GOLGA5: variants seen among roughly 807,000 people sequenced by gnomAD.
GOLGA5 encodes golgin subfamily A member 5.
In GOLGA5, 50 loss-of-function variants were observed where a neutral mutation model predicts 93.5. That is an observed-to-expected ratio of 0.53 (90% CI 0.43 to 0.68). The LOEUF (loss-of-function observed/expected upper bound fraction) is 0.68, where lower values mean the gene tolerates loss of function less well. Among genes scored for constraint, GOLGA5 ranks in the 30% least tolerant of loss-of-function variants. The probability of loss-of-function intolerance (pLI) is 0.00; values close to 1 mark genes in which losing one functional copy is unlikely to be tolerated. For synonymous variants in GOLGA5, 312 were observed against 304.5 expected (o/e 1.02, Z -0.26); for missense variants, 760 against 856.4 (o/e 0.89, Z 1.40).
chr14:92,813,590 G>A (rs576400147), intron 6 of GOLGA5, among the ~76,000 whole-genome samples: 2 of 152,156 alleles, frequency 1.3e-5, no homozygotes, highest in Non-Finnish European at 1.5e-5. Context: ...GGAACATAAC[G>A]TCTTCAGAGA....
At chr14:92,803,624 T>C (rs1326991609) in intron 2 of GOLGA5, among the ~76,000 whole-genome samples, 1 of 152,200 alleles carries the variant, frequency 6.6e-6, no homozygotes, top group Admixed American at 6.5e-5. Flanking sequence ...CCCCAAGAAT[T>C]TGTCAATGTC....
intron 6 of GOLGA5, among the ~76,000 whole-genome samples, chr14:92,814,992 G>A (rs1439081471): frequency 1.3e-5 from 2 of 151,882 alleles, no homozygotes; most frequent in Non-Finnish European, 2.9e-5. Flanking sequence ...ACAGGCCCAC[G>A]GACCATCATT....
intron 10 of GOLGA5, among the ~76,000 whole-genome samples, chr14:92,834,845 G>T (rs576045646): frequency 6.6e-6 from 1 of 152,234 alleles, no homozygotes; most frequent in Non-Finnish European, 1.5e-5. Context: ...GGCAAGAGGA[G>T]GCCGGAGGTG....
At chr14:92,838,452 C>T (rs1885691158) in intron 12 of GOLGA5, among the ~76,000 whole-genome samples, 1 of 151,982 alleles carries the variant, frequency 6.6e-6, no homozygotes, top group Non-Finnish European at 1.5e-5. Flanking sequence ...ACTGCATTCT[C>T]CACCTCCCAG....
intron 6 of GOLGA5, among the ~76,000 whole-genome samples, chr14:92,812,570 T>C (rs553643525): frequency 1.3e-5 from 2 of 152,188 alleles, no homozygotes; most frequent in South Asian, 2.1e-4. Context: ...TTAACTCTTA[T>C]CTCCTTCTTT....
chr14:92,826,206 A>G (rs150857081), intron 9 of GOLGA5, among the ~76,000 whole-genome samples: 1 of 152,118 alleles, frequency 6.6e-6, no homozygotes, highest in African/African-American at 2.4e-5. Context: ...TTTTTCATCA[A>G]ATTAGAAGAG....
In GOLGA5 at chr14:92,816,264, T is replaced by G; in HGVS notation, c.1334T>G (p.Leu445Trp). The G allele has an allele frequency of 6.2e-7, 1 of 1,611,398 alleles. No individual in the cohort carries two copies. The highest frequency in any genetic ancestry group is 1.3e-5 in the African/African-American group (1 of 74,846). Residue 445 changes from leucine (L) to tryptophan (W), a missense_variant, in exon 7 of 13, where the codon TTG becomes TGG. Physicochemically the swap from Leu to Trp is moderately conservative, Grantham distance 61 (BLOSUM62 -2). Coordinates refer to ENST00000163416, the MANE Select transcript of GOLGA5 (RefSeq NM_005113.4). ...CTTTTATAATAGTCTAAGGAAAAAT[T>G]GATTAACAGCTTGAAAGAAGGCTCT... ...ATRILQSKEK[L>W]INSLKEGSGF...
intron 12 of GOLGA5, 49 bp downstream of exon 12, chr14:92,837,498 G>T (rs772546332): frequency 6.2e-6 from 4 of 643,564 alleles, no homozygotes; most frequent in South Asian, 1.6e-5. Context: ...TTTTTAACTA[G>T]TTTTTTTTTT....
chr14:92,837,466 G>T lies in GOLGA5; in HGVS notation c.2115+17G>T. On this transcript the variant is annotated intron_variant, in intron 12 of 12. Transcript: ENST00000163416. Reference sequence around the variant, plus strand: ...ATATATATGGTAAGTAAATTTATTTGAAAAAACAATGATGCACTTGATTTT... The same window carrying T: ...ATATATATGGTAAGTAAATTTATTTTAAAAAACAATGATGCACTTGATTTT... The T allele has an allele frequency of 9.0e-7, 1 of 1,105,648 alleles. No individual in the cohort carries two copies. Among genetic ancestry groups the T allele is most frequent in the South Asian group, 1.3e-5 (1 of 76,818 alleles). The allele number at this position is 1,105,648 out of a possible 1,614,324, so 68.5% of individuals were successfully genotyped here.
At chr14:92,825,718 G>A (rs1230768911) in intron 9 of GOLGA5, among the ~76,000 whole-genome samples, 1 of 151,458 alleles carries the variant, frequency 6.6e-6, no homozygotes, top group African/African-American at 2.4e-5. Flanking sequence ...AAAATTAGGC[G>A]TGGTGGCACA....
At chr14:92,813,572 A>G (rs1158918797) in intron 6 of GOLGA5, among the ~76,000 whole-genome samples, 2 of 152,212 alleles carry the variant, frequency 1.3e-5, no homozygotes, top group African/African-American at 2.4e-5. Context: ...AGCTAGTTCC[A>G]TACTGCTGGA....
chr14:92,839,308 G>A (rs1595608199), intron 12 of GOLGA5, 58 bp from the exon 13 acceptor site: 1 of 1,053,252 alleles, frequency 9.5e-7, no homozygotes, highest in East Asian at 2.4e-5. Context: ...GTGTACAGTG[G>A]GCCTTTGGTA....
intron 8 of GOLGA5, among the ~76,000 whole-genome samples, chr14:92,823,165 T>G (rs12879049): frequency 0.059 from 8,962 of 152,244 alleles, 345 homozygotes; most frequent in Admixed American, 0.085. Flanking sequence ...AGATCCAACC[T>G]AATTTTCTTC....
At chr14:92,807,613 A>G (rs2402196) in intron 3 of GOLGA5, among the ~76,000 whole-genome samples, 112,753 of 152,178 alleles carry the variant, frequency 0.74, 42,248 homozygotes, top group East Asian at 0.85. Flanking sequence ...AGTAGTAGGC[A>G]CTAATAGAGT....
chr14:92,812,440 A>G (rs551498025), intron 6 of GOLGA5, among the ~76,000 whole-genome samples: 3 of 152,142 alleles, frequency 2.0e-5, no homozygotes, highest in Non-Finnish European at 4.4e-5. Flanking sequence ...ACTCCTGCCT[A>G]AGAGAAAAAC....
At chr14:92,835,209 T>C (rs1402949231) in intron 10 of GOLGA5, among the ~76,000 whole-genome samples, 1 of 152,166 alleles carries the variant, frequency 6.6e-6, no homozygotes, top group Non-Finnish European at 1.5e-5. Context: ...GAGTACACAT[T>C]TGGGAGTCCT....
In GOLGA5 at chr14:92,839,408, A is replaced by G; in HGVS notation, c.2158A>G (p.Thr720Ala). ...GGTCATGATTGTTCTGTTGACTTAC[A>G]CACCAGAAATGCACCACGACCAACC... ...LWVMIVLLTY[T>A]PEMHHDQPYG... Residue 720 changes from threonine to alanine, a missense_variant, in exon 13 of 13, where the codon ACA becomes GCA. Coordinates refer to ENST00000163416, the MANE Select transcript of GOLGA5 (RefSeq NM_005113.4). 1 of 1,612,162 alleles carries G rather than the reference A, an allele frequency of 6.2e-7. No homozygotes were observed. Among genetic ancestry groups the G allele is most frequent in the Non-Finnish European group, 8.5e-7 (1 of 1,179,100 alleles).
intron 5 of GOLGA5, 104 bp downstream of exon 5, chr14:92,810,481 A>C (rs1017551697): frequency 7.7e-5 from 59 of 770,036 alleles, no homozygotes; most frequent in Non-Finnish European, 9.4e-5. Flanking sequence ...TCTGCAATGC[A>C]TTTCAGAAAA....
In GOLGA5 at chr14:92,797,749, T is replaced by C; in HGVS notation, c.312T>C (p.Pro104=). Residue 104 remains proline (P), a synonymous_variant, in exon 2 of 13, where the codon CCT becomes CCC. Transcript: ENST00000163416. ...ASHPVENASV[P]RPSSHFVRRK... is the part of the protein sequence containing the mutation. Reference sequence around the variant, plus strand: ...ATCCTGTTGAAAATGCATCTGTTCCTAGGCCTTCATCCCATTTTGTGCGAA... The same window carrying C: ...ATCCTGTTGAAAATGCATCTGTTCCCAGGCCTTCATCCCATTTTGTGCGAA... The C allele has an allele frequency of 6.2e-7, 1 of 1,613,592 alleles. No individual in the cohort carries two copies. The highest frequency in any genetic ancestry group is 8.5e-7 in the Non-Finnish European group (1 of 1,179,612).
Sources: gnomAD v4.1 joint callset for allele counts (sites outside exome capture counted in the v4.1 genomes callset) on GRCh38, gnomAD v4.1.1 for gene constraint, MANE v1.5 for transcripts, NCBI Gene and HGNC (gene_info 2026-07-23, HGNC 2026-07-21) for gene names.